The following HIVEP3 variants were observed in gnomAD, a reference collection of about 807,000 sequenced individuals.
HIVEP3 encodes the protein HIVEP zinc finger 3, also known as transcription factor HIVEP3.
A neutral mutation model predicts 152.8 loss-of-function variants in HIVEP3; 49 were observed. The ratio of observed to expected loss-of-function variants is 0.32; its 90% CI spans 0.26 to 0.41. The LOEUF is 0.41. Among genes scored for constraint, HIVEP3 ranks in the 10% least tolerant of loss-of-function variants. HIVEP3 has a pLI of 1.00. For missense variants in HIVEP3, 2,790 were observed against 3,103.3 expected (o/e 0.90, Z 2.40); for synonymous variants, 1,269 against 1,289.0 (o/e 0.98, Z 0.33).
intron 2 of HIVEP3, among the ~76,000 whole-genome samples, chr1:41,630,253 C>T (rs762915210): frequency 1.1e-4 from 17 of 151,988 alleles, no homozygotes; most frequent in South Asian, 8.3e-4. Context: ...AAGATGGGAA[C>T]GACAGACACT....
At chr1:41,859,826 C>T (rs946468992) in intron 1 of HIVEP3, among the ~76,000 whole-genome samples, 4 of 152,154 alleles carry the variant, frequency 2.6e-5, no homozygotes, top group Non-Finnish European at 4.4e-5. Flanking sequence ...GTTCCTCTTG[C>T]GAATTGCCTG....
At chr1:41,825,737 C>T (rs1642783935) in intron 1 of HIVEP3, among the ~76,000 whole-genome samples, 1 of 151,986 alleles carries the variant, frequency 6.6e-6, no homozygotes, top group South Asian at 2.1e-4. Flanking sequence ...CTCCCAAGTA[C>T]CTGGGACTAC....
intron 1 of HIVEP3, among the ~76,000 whole-genome samples, chr1:41,835,784 C>T (rs528609461): frequency 2.0e-5 from 3 of 152,204 alleles, no homozygotes; most frequent in African/African-American, 4.8e-5. Flanking sequence ...TAACAAGCCA[C>T]TTTGACAGAC....
At chr1:41,987,259 C>T (rs981116804) in intron 1 of HIVEP3, among the ~76,000 whole-genome samples, 2 of 152,158 alleles carry the variant, frequency 1.3e-5, no homozygotes, top group Non-Finnish European at 2.9e-5. Flanking sequence ...CCACAAGTCC[C>T]ATGACATTTT....
At chr1:41,535,196 T>C (rs1415357121) in intron 5 of HIVEP3, among the ~76,000 whole-genome samples, 1 of 152,178 alleles carries the variant, frequency 6.6e-6, no homozygotes, top group African/African-American at 2.4e-5. Context: ...CAAGGTTTTG[T>C]TAGCATCTTC....
intron 1 of HIVEP3, among the ~76,000 whole-genome samples, chr1:41,794,070 T>A (rs879324307): frequency 1.3e-5 from 2 of 152,204 alleles, no homozygotes; most frequent in Non-Finnish European, 2.9e-5. Context: ...TCAGTTCTCA[T>A]GCTGCTAATA....
intron 2 of HIVEP3, among the ~76,000 whole-genome samples, chr1:41,696,766 C>T (rs562283779): frequency 3.3e-5 from 5 of 152,048 alleles, no homozygotes; most frequent in South Asian, 4.2e-4. Flanking sequence ...AAAAAATCTG[C>T]GTAACTGCAT....
At position 41,637,418 on chromosome 1, in the gene HIVEP3, T is replaced by A. The variant is rs78827606; in HGVS notation, c.-720-8471A>T. ...AGCTTTGTCTATGTGACGTACAAGC[T>A]TCAGCGCTTCTCACAGGTAGTCTCC... On this transcript the variant is annotated intron_variant, in intron 2 of 8. Coordinates refer to ENST00000372583, the MANE Select transcript of HIVEP3 (RefSeq NM_024503.5). Among the ~76,000 whole-genome samples, 3 of 152,370 alleles carry A rather than the reference T, an allele frequency of 2.0e-5. No individual in the cohort carries two copies. In the East Asian group the frequency reaches 5.8e-4, roughly 29 times the overall value.
intron 1 of HIVEP3, among the ~76,000 whole-genome samples, chr1:41,753,139 A>T (rs745933357): frequency 6.6e-6 from 1 of 152,198 alleles, no homozygotes; most frequent in Non-Finnish European, 1.5e-5. Flanking sequence ...AAATGACAAG[A>T]CCCAGCATTG....
intron 1 of HIVEP3, among the ~76,000 whole-genome samples, chr1:41,732,500 G>A (rs946526219): frequency 6.6e-6 from 1 of 152,122 alleles, no homozygotes; most frequent in Non-Finnish European, 1.5e-5. Context: ...CCAAGGAAAG[G>A]CCACTGGGGC....
intron 1 of HIVEP3, among the ~76,000 whole-genome samples, chr1:41,888,477 ATC>A (rs1644387522): frequency 6.6e-6 from 1 of 151,924 alleles, no homozygotes; most frequent in African/African-American, 2.4e-5. Flanking sequence ...AGGAAGGCCT[ATC>A]CAGAGAGAAG....
At chr1:41,809,987 C>T (rs1341532047) in intron 1 of HIVEP3, among the ~76,000 whole-genome samples, 1 of 152,160 alleles carries the variant, frequency 6.6e-6, no homozygotes. Flanking sequence ...TGTACATGCA[C>T]ACACCAGATG....
chr1:41,720,979 T>G (rs1646665467), intron 1 of HIVEP3, among the ~76,000 whole-genome samples: 1 of 152,200 alleles, frequency 6.6e-6, no homozygotes, highest in African/African-American at 2.4e-5. Context: ...TTAGACGTAG[T>G]GTCTAAAATA....
At chr1:41,954,108 A>G (rs771886640) in intron 1 of HIVEP3, among the ~76,000 whole-genome samples, 1 of 152,236 alleles carries the variant, frequency 6.6e-6, no homozygotes, top group East Asian at 1.9e-4. Flanking sequence ...GTTCCAGGAC[A>G]TGGAATAGAA....
chr1:41,957,758 T>C (rs1645147715), intron 1 of HIVEP3, among the ~76,000 whole-genome samples: 1 of 152,178 alleles, frequency 6.6e-6, no homozygotes, highest in South Asian at 2.1e-4. Flanking sequence ...AAAATCCTTC[T>C]AGATTTAGCC....
intron 1 of HIVEP3, among the ~76,000 whole-genome samples, chr1:41,872,992 T>C (rs1442034214): frequency 2.0e-5 from 3 of 152,160 alleles, no homozygotes; most frequent in African/African-American, 7.2e-5. Flanking sequence ...ATAACAGAAA[T>C]GATCAACTGA....
At chr1:41,760,091 T>C (rs1302050072) in intron 1 of HIVEP3, among the ~76,000 whole-genome samples, 5 of 152,174 alleles carry the variant, frequency 3.3e-5, no homozygotes, top group Admixed American at 3.3e-4. Flanking sequence ...TAGGATTGCT[T>C]GAGCCCAAGA....
intron 1 of HIVEP3, among the ~76,000 whole-genome samples, chr1:41,960,968 T>C (rs543911047): frequency 3.2e-4 from 48 of 152,228 alleles, no homozygotes; most frequent in Non-Finnish European, 6.6e-4. Context: ...GGGATCCATG[T>C]CTCTTCCCCA....
At chr1:41,526,720 C>G (rs531153557) in intron 5 of HIVEP3, among the ~76,000 whole-genome samples, 9 of 128,570 alleles carry the variant, frequency 7.0e-5, no homozygotes, top group Non-Finnish European at 1.7e-5. Flanking sequence ...CTCACACACA[C>G]CCTCACACAC....
Sources: gnomAD v4.1 joint callset for allele counts (sites outside exome capture counted in the v4.1 genomes callset) on GRCh38, gnomAD v4.1.1 for gene constraint, MANE v1.5 for transcripts, NCBI Gene and HGNC (gene_info 2026-07-23, HGNC 2026-07-21) for gene names.